The following RBFOX1 variants were observed in gnomAD, a reference collection of about 807,000 sequenced individuals.
RBFOX1 encodes the protein RNA binding protein fox-1 homolog 1.
A neutral mutation model predicts 57.7 loss-of-function variants in RBFOX1; 8 were observed. The ratio of observed to expected loss-of-function variants is 0.14; its 90% confidence interval spans 0.08 to 0.25. RBFOX1 has a LOEUF of 0.25. Ranked by LOEUF, RBFOX1 falls within the 10% of genes least tolerant of loss-of-function variation. The pLI is 1.00. For missense variants in RBFOX1, 611 were observed against 548.5 expected, an observed-to-expected ratio of 1.11 and a Z score of -1.14; for synonymous variants, 326 against 222.4, an observed-to-expected ratio of 1.47 and a Z score of -4.15.
intron 2 of RBFOX1, among the ~76,000 whole-genome samples, chr16:6,614,209 G>A (rs960862245): frequency 1.3e-5 from 2 of 152,098 alleles, no homozygotes; most frequent in African/African-American, 4.8e-5. Flanking sequence ...ATGAAATTCT[G>A]ATGCATTTCA....
rs151076716 is a variant in RBFOX1 at position 5,410,680 on chromosome 16, C to G, written c.220-56536C>G. Reference sequence around the variant, plus strand: ...TTCTAAGCTCCGTGTTCCTGTCAAACAAAATCTATATATGGACTTTTGGAC... The same window carrying G: ...TTCTAAGCTCCGTGTTCCTGTCAAAGAAAATCTATATATGGACTTTTGGAC... On this transcript the variant is annotated intron_variant, in intron 1 of 2. Transcript: ENST00000585867. Among the ~76,000 whole-genome samples the G allele has an allele frequency of 4.8e-3, 724 of 152,332 alleles. 25 individuals are homozygous for G. Among genetic ancestry groups the G allele is most frequent in the Admixed American group, 0.044 (675 of 15,288 alleles).
At chr16:7,646,471 G>T (rs1197025175) in intron 11 of RBFOX1, among the ~76,000 whole-genome samples, 1 of 152,168 alleles carries the variant, frequency 6.6e-6, no homozygotes, top group African/African-American at 2.4e-5. Context: ...AAATTTGCAT[G>T]AATCTCTCTC....
chr16:6,905,655 C>T (rs1002397343), intron 3 of RBFOX1, among the ~76,000 whole-genome samples: 2 of 152,028 alleles, frequency 1.3e-5, no homozygotes, highest in Admixed American at 1.3e-4. Context: ...GCAACATTGC[C>T]CCCACCATCA....
intron 1 of RBFOX1, chr16:5,289,515 T>G (rs2063483805): frequency 5.3e-6 from 1 of 189,280 alleles, no homozygotes; most frequent in Non-Finnish European, 1.1e-5. Flanking sequence ...CATGTAGACC[T>G]GGTATTTTGG....
chr16:7,078,212 C>G (rs1328626171), intron 4 of RBFOX1, among the ~76,000 whole-genome samples: 1 of 152,172 alleles, frequency 6.6e-6, no homozygotes, highest in Non-Finnish European at 1.5e-5. Flanking sequence ...ATTGAATAGG[C>G]AAACCAGCTG....
chr16:7,506,856 C>G (rs978308864), intron 4 of RBFOX1, among the ~76,000 whole-genome samples: 1 of 152,146 alleles, frequency 6.6e-6, no homozygotes, highest in African/African-American at 2.4e-5. Context: ...AGGTTAGAGT[C>G]CAACACACAT....
intron 3 of RBFOX1, among the ~76,000 whole-genome samples, chr16:6,988,963 A>C (rs1367535223): frequency 1.3e-5 from 2 of 151,884 alleles, no homozygotes; most frequent in Non-Finnish European, 2.9e-5. Flanking sequence ...GGGTTTTCCC[A>C]TGTTGGCTAG....
chr16:7,209,468 C>T (rs991371857), intron 4 of RBFOX1, among the ~76,000 whole-genome samples: 4 of 152,142 alleles, frequency 2.6e-5, no homozygotes, highest in African/African-American at 9.7e-5. Flanking sequence ...TGGATAATAA[C>T]CTCAAGGCCT....
intron 2 of RBFOX1, among the ~76,000 whole-genome samples, chr16:6,375,716 A>C (rs565729181): frequency 1.1e-4 from 17 of 152,114 alleles, no homozygotes; most frequent in Non-Finnish European, 4.4e-5. Flanking sequence ...GATTAACCCA[A>C]GGTCACCTGG....
intron 3 of RBFOX1, among the ~76,000 whole-genome samples, chr16:6,821,392 T>C (rs2091272023): frequency 6.6e-6 from 1 of 152,250 alleles, no homozygotes; most frequent in Admixed American, 6.5e-5. Flanking sequence ...AAAAATTTCA[T>C]TGAGGTGTAT....
intron 3 of RBFOX1, among the ~76,000 whole-genome samples, chr16:6,769,661 T>C (rs1446680251): frequency 1.3e-5 from 2 of 152,204 alleles, no homozygotes; most frequent in African/African-American, 4.8e-5. Flanking sequence ...TACGAGTGTA[T>C]CTTCCATATC....
chr16:5,977,336 C>G (rs923283946), intron 4 of RBFOX1, among the ~76,000 whole-genome samples: 13 of 152,128 alleles, frequency 8.5e-5, no homozygotes, highest in Non-Finnish European at 7.4e-5. Context: ...ACAGGCCAGC[C>G]CGTCATGCAG....
intron 4 of RBFOX1, among the ~76,000 whole-genome samples, chr16:5,973,489 C>G (rs1326133779): frequency 6.6e-6 from 1 of 152,132 alleles, no homozygotes; most frequent in South Asian, 2.1e-4. Flanking sequence ...TGATGCCTTC[C>G]CTAGGTCAGA....
chr16:5,412,633 G>A (rs747962061), intron 1 of RBFOX1, among the ~76,000 whole-genome samples: 1 of 152,168 alleles, frequency 6.6e-6, no homozygotes, highest in Non-Finnish European at 1.5e-5. Flanking sequence ...AACTCACATC[G>A]AGTCCTTATT....
At chr16:5,433,557 G>T (rs1036290285) in intron 1 of RBFOX1, among the ~76,000 whole-genome samples, 1 of 152,216 alleles carries the variant, frequency 6.6e-6, no homozygotes, top group East Asian at 1.9e-4. Context: ...GAGTAAGTGA[G>T]TGACACAAAG....
At chr16:6,489,882 G>C (rs2095592603) in intron 2 of RBFOX1, among the ~76,000 whole-genome samples, 1 of 152,136 alleles carries the variant, frequency 6.6e-6, no homozygotes, top group African/African-American at 2.4e-5. Flanking sequence ...CAGGATGAGT[G>C]ATCTCCATTT....
rs376033519 is a variant in RBFOX1 at position 6,990,847 on chromosome 16, G to A, written c.-15-61210G>A. 3.3e-5 allele frequency among the ~76,000 whole-genome samples: 5 copies of A among 152,058 alleles called. No homozygotes were observed. In the South Asian group the frequency reaches 8.3e-4, roughly 25 times the overall value. ...GTGAGTGCTGATAACAGAAAACCATGCTATGTCTAGTTGCTAATTTTTTAA... is the reference window on the plus strand; with the variant it reads ...GTGAGTGCTGATAACAGAAAACCATACTATGTCTAGTTGCTAATTTTTTAA... On this transcript the variant is annotated intron_variant, in intron 3 of 15. Transcript: ENST00000550418.
intron 2 of RBFOX1, among the ~76,000 whole-genome samples, chr16:6,440,250 A>G (rs1335883808): frequency 6.6e-6 from 1 of 152,098 alleles, no homozygotes; most frequent in Non-Finnish European, 1.5e-5. Context: ...ATATACATGT[A>G]TTGATGAGTA....
intron 1 of RBFOX1, among the ~76,000 whole-genome samples, chr16:6,274,940 G>C (rs2075633659): frequency 6.6e-6 from 1 of 152,134 alleles, no homozygotes; most frequent in African/African-American, 2.4e-5. Flanking sequence ...AAAGCATTCT[G>C]GACAACAGAG....
Sources: gnomAD v4.1 joint callset for allele counts (sites outside exome capture counted in the v4.1 genomes callset) on GRCh38, gnomAD v4.1.1 for gene constraint, MANE v1.5 for transcripts, NCBI Gene and HGNC (gene_info 2026-07-23, HGNC 2026-07-21) for gene names.